Variants in PALLD observed in about 807,000 individuals in gnomAD.
The protein encoded by PALLD is palladin, cytoskeletal associated protein, also known as palladin.
Under a neutral mutation model 123.5 loss-of-function variants are expected in PALLD, and 61 were observed. That is an observed-to-expected ratio of 0.49 (90% confidence interval 0.40 to 0.61). PALLD has a LOEUF of 0.61. PALLD is among the 20% of genes least tolerant of loss of function. The pLI is 0.00. For synonymous variants in PALLD, 465 were observed against 496.4 expected, an observed-to-expected ratio of 0.94 and a Z score of 0.84; for missense variants, 1,273 against 1,377.0, an observed-to-expected ratio of 0.92 and a Z score of 1.20.
chr4:168,685,426 C>T, intron 5 of PALLD, 59 bp from the exon 6 acceptor site: 1 of 1,090,028 alleles, frequency 9.2e-7, no homozygotes, highest in Admixed American at 1.7e-5. Context: ...GTTTCTTCAG[C>T]CCATCTTTTA....
At chr4:168,697,984 A>T (rs1334022348) in intron 8 of PALLD, among the ~76,000 whole-genome samples, 1 of 152,204 alleles carries the variant, frequency 6.6e-6, no homozygotes, top group African/African-American at 2.4e-5. Flanking sequence ...CCATCAACAG[A>T]TGCATGGCTA....
chr4:168,840,180 C>T (rs959248949), intron 10 of PALLD, among the ~76,000 whole-genome samples: 1 of 152,074 alleles, frequency 6.6e-6, no homozygotes, highest in Non-Finnish European at 1.5e-5. Context: ...ATACTTCTCT[C>T]ACATTGCACC....
At chr4:168,556,829 G>T (rs1171552558) in intron 2 of PALLD, among the ~76,000 whole-genome samples, 1 of 152,132 alleles carries the variant, frequency 6.6e-6, no homozygotes, top group Non-Finnish European at 1.5e-5. Flanking sequence ...TTGCCTCTTA[G>T]GTGCAGGGTA....
chr4:168,675,782 A>G (rs541554931), intron 3 of PALLD, among the ~76,000 whole-genome samples: 1 of 152,228 alleles, frequency 6.6e-6, no homozygotes, highest in African/African-American at 2.4e-5. Flanking sequence ...TAGGCCAGGC[A>G]TGGTGGCTCA....
chr4:168,615,478 T>C (rs1774138452), intron 2 of PALLD, among the ~76,000 whole-genome samples: 1 of 152,224 alleles, frequency 6.6e-6, no homozygotes, highest in Non-Finnish European at 1.5e-5. Context: ...CGAGTCCATT[T>C]AGTGGCAAAA....
At chr4:168,595,287 A>G (rs1771864882) in intron 2 of PALLD, among the ~76,000 whole-genome samples, 1 of 152,162 alleles carries the variant, frequency 6.6e-6, no homozygotes, top group Admixed American at 6.5e-5. Context: ...AAGTTTCCCA[A>G]TGCAGCTATA....
At chr4:168,576,598 G>C (rs1163531292) in intron 2 of PALLD, among the ~76,000 whole-genome samples, 1 of 152,112 alleles carries the variant, frequency 6.6e-6, no homozygotes, top group Non-Finnish European at 1.5e-5. Flanking sequence ...GTATTCCATG[G>C]TGTATATGTG....
At chr4:168,665,374 G>T (rs1779536720) in intron 2 of PALLD, among the ~76,000 whole-genome samples, 1 of 152,318 alleles carries the variant, frequency 6.6e-6, no homozygotes, top group South Asian at 2.1e-4. Flanking sequence ...TATTAAGCAT[G>T]CCTTTTAATT....
chr4:168,919,360 CTAAAA>C (rs1301561838), intron 17 of PALLD, among the ~76,000 whole-genome samples: 4 of 151,908 alleles, frequency 2.6e-5, no homozygotes, highest in Admixed American at 2.0e-4. Flanking sequence ...CCCGTCTCTA[CTAAAA>C]TACAAAAAAA....
intron 10 of PALLD, among the ~76,000 whole-genome samples, chr4:168,717,030 C>T (rs992140703): frequency 6.6e-6 from 1 of 152,178 alleles, no homozygotes; most frequent in Non-Finnish European, 1.5e-5. Flanking sequence ...AAAGCAGCCA[C>T]CCAGCCATGT....
Position 168,759,203 on chromosome 4 carries a change from ATATATATATATATAT to A in PALLD, c.1964+47281_1964+47295del, listed in dbSNP as rs1428428468. On this transcript the variant is annotated intron_variant, in intron 10 of 21. Coordinates refer to ENST00000505667, the MANE Select transcript of PALLD (RefSeq NM_001166108.2). Reference sequence around the variant, plus strand: ...TCAAAAAAAAAAAAAAAAAAAAAAAATATATATATATATATATATATATATATATATATATATATA... The same window carrying A: ...TCAAAAAAAAAAAAAAAAAAAAAAAAATATATATATATATATATATATATA... 2.7e-3 allele frequency among the ~76,000 whole-genome samples: 108 copies of A among 39,466 alleles called. 9 individuals carry two copies. Among genetic ancestry groups the A allele is most frequent in the African/African-American group, 4.0e-3 (30 of 7,486 alleles). The allele number at this position is 39,466 out of a possible 152,430, so 25.9% of individuals were successfully genotyped here.
intron 2 of PALLD, among the ~76,000 whole-genome samples, chr4:168,643,502 A>G (rs1424722763): frequency 6.6e-6 from 1 of 152,156 alleles, no homozygotes; most frequent in Admixed American, 6.6e-5. Context: ...AGTAATTACT[A>G]CCAATATGAG....
At chr4:168,509,822 G>C (rs1208472785) in intron 1 of PALLD, among the ~76,000 whole-genome samples, 1 of 152,192 alleles carries the variant, frequency 6.6e-6, no homozygotes, top group East Asian at 1.9e-4. Context: ...TTGAGTTTCA[G>C]GATCTCTGAT....
At chr4:168,701,143 A>G (rs570159235) in intron 8 of PALLD, among the ~76,000 whole-genome samples, 1 of 152,400 alleles carries the variant, frequency 6.6e-6, no homozygotes, top group Admixed American at 6.5e-5. Context: ...TAATAAAAAA[A>G]GGGATTCTCT....
intron 2 of PALLD, among the ~76,000 whole-genome samples, chr4:168,515,701 G>C (rs1013145924): frequency 7.9e-5 from 12 of 152,164 alleles, no homozygotes; most frequent in Non-Finnish European, 1.6e-4. Context: ...TGGAACACGG[G>C]GGAGAAACCT....
At chr4:168,499,399 G>A (rs998130452) in intron 1 of PALLD, among the ~76,000 whole-genome samples, 6 of 151,080 alleles carry the variant, frequency 4.0e-5, no homozygotes, top group African/African-American at 9.7e-5. Flanking sequence ...TTAGTCTAGG[G>A]GGGTTGCCTG....
rs771064086 is a variant in PALLD at position 168,891,061 on chromosome 4, C to T, written c.2100+4C>T. 3 of 1,613,940 alleles carry T rather than the reference C, an allele frequency of 1.9e-6. No individual in the cohort carries two copies. Among genetic ancestry groups the T allele is most frequent in the Non-Finnish European group, 2.5e-6 (3 of 1,179,936 alleles). ...CCTCCTGAACAATGGCCAGCCGGTA[C>T]TGATAGATTTGGGACCTGGACTTGG... On this transcript the variant is annotated splice_donor_region_variant and intron_variant, in intron 11 of 21. Coordinates refer to ENST00000505667, the MANE Select transcript of PALLD (RefSeq NM_001166108.2).
At chr4:168,756,209 G>A in intron 10 of PALLD, 1 of 184,038 alleles carries the variant, frequency 5.4e-6, no homozygotes, top group Non-Finnish European at 1.2e-5. Context: ...GGTGTTGCTT[G>A]TTCAATATCC....
intron 2 of PALLD, among the ~76,000 whole-genome samples, chr4:168,654,985 T>TTGTG (rs10579101): frequency 1.3e-5 from 2 of 151,328 alleles, no homozygotes; most frequent in African/African-American, 4.9e-5. Flanking sequence ...ATATGGCTAC[T>TTGTG]TGTGTGTGTG....
Sources: allele counts gnomAD v4.1 joint callset (sites outside exome capture counted in the v4.1 genomes callset), GRCh38; gene constraint gnomAD v4.1.1; transcripts MANE v1.5; gene names NCBI Gene and HGNC (gene_info 2026-07-23, HGNC 2026-07-21).